The following SEMA6D variants were observed in gnomAD, a reference collection of about 807,000 sequenced individuals.
SEMA6D encodes the protein semaphorin-6D.
Under a neutral mutation model 106.6 loss-of-function variants are expected in SEMA6D, and 35 were observed. The ratio of observed to expected loss-of-function variants is 0.33; its 90% CI spans 0.25 to 0.44. SEMA6D has a LOEUF of 0.44. Ranked by LOEUF, SEMA6D falls within the 20% of genes least tolerant of loss-of-function variation. The probability of loss-of-function intolerance (pLI) is 1.00; values close to 1 mark genes in which losing one functional copy is unlikely to be tolerated. For missense variants in SEMA6D, 1,185 were observed against 1,345.9 expected, an observed-to-expected ratio of 0.88 and a Z score of 1.87; for synonymous variants, 499 against 487.7, an observed-to-expected ratio of 1.02 and a Z score of -0.31.
chr15:47,192,003 A>G (rs938469956), intron 1 of SEMA6D, among the ~76,000 whole-genome samples: 4 of 152,194 alleles, frequency 2.6e-5, no homozygotes, highest in African/African-American at 9.7e-5. Context: ...CAACGTTCTT[A>G]TACTTTGCCT....
chr15:47,399,112 A>G (rs1410853488), intron 1 of SEMA6D, among the ~76,000 whole-genome samples: 2 of 152,224 alleles, frequency 1.3e-5, no homozygotes, highest in Non-Finnish European at 2.9e-5. Context: ...AAACTTCTAT[A>G]TATTTCCTCA....
At chr15:47,426,477 C>T (rs965579124) in intron 2 of SEMA6D, among the ~76,000 whole-genome samples, 1 of 152,074 alleles carries the variant, frequency 6.6e-6, no homozygotes, top group Non-Finnish European at 1.5e-5. Flanking sequence ...GTCTTCTAGT[C>T]CGACATTGTG....
intron 1 of SEMA6D, among the ~76,000 whole-genome samples, chr15:47,374,769 C>G (rs1176678656): frequency 2.6e-5 from 4 of 152,122 alleles, no homozygotes; most frequent in Non-Finnish European, 5.9e-5. Context: ...GGGCTAGATG[C>G]CTTATTACTC....
chr15:47,483,679 A>G (rs1219458505), intron 3 of SEMA6D, among the ~76,000 whole-genome samples: 3 of 152,154 alleles, frequency 2.0e-5, no homozygotes, highest in African/African-American at 7.2e-5. Context: ...AGAGAACTAT[A>G]TGAATTTTAG....
At chr15:47,470,017 TG>T (rs2042785267) in intron 2 of SEMA6D, among the ~76,000 whole-genome samples, 1 of 133,582 alleles carries the variant, frequency 7.5e-6, no homozygotes, top group Non-Finnish European at 1.6e-5. Context: ...ACAAATGCAA[TG>T]AAAAAAAAAA....
chr15:47,290,762 A>G (rs56130409), intron 1 of SEMA6D, among the ~76,000 whole-genome samples: 5,260 of 152,322 alleles, frequency 0.035, 107 homozygotes, highest in Middle Eastern at 0.054. Flanking sequence ...GTGAATGAAC[A>G]CTTTGTTAGT....
intron 4 of SEMA6D, among the ~76,000 whole-genome samples, chr15:47,657,507 T>A: frequency 6.6e-6 from 1 of 152,010 alleles, no homozygotes; most frequent in East Asian, 1.9e-4. Context: ...TATAAGGAAG[T>A]TACTAATTTT....
intron 4 of SEMA6D, among the ~76,000 whole-genome samples, chr15:47,690,097 A>G (rs538572201): frequency 9.2e-5 from 14 of 152,314 alleles, no homozygotes; most frequent in African/African-American, 3.4e-4. Context: ...TGCTCCAGCA[A>G]TTACACCTTG....
At chr15:47,403,589 A>C (rs2040466007) in intron 1 of SEMA6D, among the ~76,000 whole-genome samples, 1 of 152,198 alleles carries the variant, frequency 6.6e-6, no homozygotes, top group East Asian at 1.9e-4. Context: ...ATGCGCAAAC[A>C]AAGGTGAGTT....
intron 4 of SEMA6D, among the ~76,000 whole-genome samples, chr15:47,707,613 G>A (rs936410784): frequency 6.6e-6 from 1 of 152,172 alleles, no homozygotes. Flanking sequence ...TCTTGTGCAC[G>A]TTCTCTTGAG....
At chr15:47,400,035 A>G (rs776845972) in intron 1 of SEMA6D, among the ~76,000 whole-genome samples, 3 of 152,178 alleles carry the variant, frequency 2.0e-5, no homozygotes, top group Non-Finnish European at 2.9e-5. Flanking sequence ...TTTTATTTTT[A>G]TGATACCCTC....
chr15:47,652,476 G>C (rs780460220), intron 4 of SEMA6D, among the ~76,000 whole-genome samples: 1 of 151,974 alleles, frequency 6.6e-6, no homozygotes, highest in East Asian at 1.9e-4. Flanking sequence ...CCGCCTGCCC[G>C]CTCCGCTCCC....
chr15:47,575,846 A>G (rs1252374374), intron 3 of SEMA6D, among the ~76,000 whole-genome samples: 1 of 152,152 alleles, frequency 6.6e-6, no homozygotes, highest in Non-Finnish European at 1.5e-5. Context: ...TGGAAGTTGG[A>G]TGAGGGCATG....
intron 1 of SEMA6D, among the ~76,000 whole-genome samples, chr15:47,745,349 G>C (rs372410181): frequency 4.0e-4 from 61 of 152,314 alleles, no homozygotes; most frequent in African/African-American, 1.3e-3. Flanking sequence ...GTAATGGAGG[G>C]ACCAAGTGGT....
At chr15:47,507,868 G>A (rs768405127) in intron 3 of SEMA6D, among the ~76,000 whole-genome samples, 39 of 152,196 alleles carry the variant, frequency 2.6e-4, no homozygotes, top group Admixed American at 2.6e-3. Flanking sequence ...AGTGTCTTTT[G>A]CATCCTGAAC....
Position 47,764,726 on chromosome 15 carries a change from C to T in SEMA6D, c.1186C>T (p.His396Tyr). The change falls in exon 12 of 19, where the codon CAT (histidine) becomes TAT (tyrosine). Residue 396 changes from histidine (H) to tyrosine (Y), a missense_variant. His to Tyr is a moderately conservative substitution (Grantham distance 83). Transcript: ENST00000536845. ...TGAAACTCTGTCATTCATCAAATCT[C>T]ATCCCCTGATGGACTCTGCCGTTCC... ...PDETLSFIKS[H>Y]PLMDSAVPPI... The T allele has an allele frequency of 6.2e-7, 1 of 1,614,046 alleles. No individual in the cohort carries two copies. Among genetic ancestry groups the T allele is most frequent in the Non-Finnish European group, 8.5e-7 (1 of 1,179,916 alleles).
chr15:47,701,783 T>C (rs2078817976), intron 4 of SEMA6D, among the ~76,000 whole-genome samples: 1 of 152,184 alleles, frequency 6.6e-6, no homozygotes, highest in African/African-American at 2.4e-5. Flanking sequence ...TCCCCTTCCA[T>C]GGCTAATGGT....
At chr15:47,660,195 TA>T (rs35019889) in intron 4 of SEMA6D, among the ~76,000 whole-genome samples, 74,970 of 146,808 alleles carry the variant, frequency 0.51, 22,491 homozygotes, top group Middle Eastern at 0.68. Flanking sequence ...ATCAACATAA[TA>T]AAAAAAAAAA....
chr15:47,193,355 T>A (rs1894099156), intron 1 of SEMA6D, among the ~76,000 whole-genome samples: 1 of 152,162 alleles, frequency 6.6e-6, no homozygotes, highest in Non-Finnish European at 1.5e-5. Context: ...TCACAGGAAA[T>A]GCTAATTGGA....
Sources: gnomAD v4.1 joint callset for allele counts (sites outside exome capture counted in the v4.1 genomes callset) on GRCh38, gnomAD v4.1.1 for gene constraint, MANE v1.5 for transcripts, NCBI Gene and HGNC (gene_info 2026-07-23, HGNC 2026-07-21) for gene names.